CAMKMT: variants seen among roughly 807,000 people sequenced by gnomAD.
The protein encoded by CAMKMT is CaM KMT.
A neutral mutation model predicts 48.0 loss-of-function variants in CAMKMT; 53 were observed. That is an observed-to-expected ratio of 1.10 (90% CI 0.89 to 1.39). The LOEUF (loss-of-function observed/expected upper bound fraction) is 1.39. Ranked by LOEUF, CAMKMT falls within the 40% of genes most tolerant of loss-of-function variation. The pLI, the probability that CAMKMT is intolerant of heterozygous loss-of-function variation, is 0.00. For synonymous variants in CAMKMT, 165 were observed against 152.3 expected, an observed-to-expected ratio of 1.08 and a Z score of -0.61; for missense variants, 428 against 402.7, an observed-to-expected ratio of 1.06 and a Z score of -0.54.
chr2:44,483,044 C>T (rs1669051002), intron 3 of CAMKMT, among the ~76,000 whole-genome samples: 1 of 152,082 alleles, frequency 6.6e-6, no homozygotes, highest in Admixed American at 6.5e-5. Flanking sequence ...TCAACAAGTA[C>T]ATATAGCATG....
rs559053956 is a variant in CAMKMT at position 44,551,783 on chromosome 2, A to G, written c.377-152500A>G. On this transcript the variant is annotated intron_variant, in intron 3 of 10. Transcript: ENST00000378494. Reference sequence around the variant, plus strand: ...AGCACTGTACTAAGTGCTTTTGTACATGTCACTTCACTTCATCTTCATAAT... The same window carrying G: ...AGCACTGTACTAAGTGCTTTTGTACGTGTCACTTCACTTCATCTTCATAAT... Among the ~76,000 whole-genome samples, 7 of 152,202 alleles carry G rather than the reference A, an allele frequency of 4.6e-5. No homozygotes were observed. In the South Asian group the frequency reaches 1.5e-3, roughly 32 times the overall value.
chr2:44,437,079 G>A (rs1427517021), intron 3 of CAMKMT, among the ~76,000 whole-genome samples: 1 of 152,024 alleles, frequency 6.6e-6, no homozygotes, highest in Non-Finnish European at 1.5e-5. Flanking sequence ...TGATATTTGA[G>A]TGCTTACTAT....
intron 3 of CAMKMT, among the ~76,000 whole-genome samples, chr2:44,453,781 C>T (rs1303587365): frequency 6.6e-6 from 1 of 151,952 alleles, no homozygotes; most frequent in Admixed American, 6.6e-5. Flanking sequence ...TTTCTAGAAC[C>T]TAGGTTTAAA....
chr2:44,699,068 C>A (rs1368324410), intron 3 of CAMKMT, among the ~76,000 whole-genome samples: 1 of 152,182 alleles, frequency 6.6e-6, no homozygotes, highest in Admixed American at 6.5e-5. Context: ...CATTCTAGTT[C>A]TCTTGCTATT....
chr2:44,436,301 C>A (rs1181030830), intron 3 of CAMKMT, among the ~76,000 whole-genome samples: 5 of 152,116 alleles, frequency 3.3e-5, no homozygotes, highest in Non-Finnish European at 7.4e-5. Context: ...TGGTCTCGAA[C>A]TCCTGACCTC....
chr2:44,547,279 C>A (rs933298112), intron 3 of CAMKMT, among the ~76,000 whole-genome samples: 10 of 152,112 alleles, frequency 6.6e-5, no homozygotes, highest in Admixed American at 1.3e-4. Context: ...AAAAACTGTT[C>A]TATGCTGATA....
chr2:44,504,714 C>T (rs1001971723), intron 3 of CAMKMT, among the ~76,000 whole-genome samples: 3 of 152,134 alleles, frequency 2.0e-5, no homozygotes, highest in African/African-American at 7.2e-5. Flanking sequence ...TCCTTAATGG[C>T]TGATGTTGTC....
intron 2 of CAMKMT, among the ~76,000 whole-genome samples, chr2:44,389,323 C>T (rs779356067): frequency 3.9e-5 from 6 of 152,106 alleles, no homozygotes; most frequent in Non-Finnish European, 7.4e-5. Context: ...ATATAGTCAC[C>T]TTTCGAGGTA....
chr2:44,396,974 G>A (rs1424069414), intron 3 of CAMKMT, among the ~76,000 whole-genome samples: 1 of 150,496 alleles, frequency 6.6e-6, no homozygotes, highest in East Asian at 2.0e-4. Context: ...CAGTAGAATC[G>A]CTTGAACCCA....
intron 3 of CAMKMT, among the ~76,000 whole-genome samples, chr2:44,392,430 A>T (rs1572735011): frequency 6.6e-6 from 1 of 152,092 alleles, no homozygotes; most frequent in African/African-American, 2.4e-5. Flanking sequence ...TGACTTTTAT[A>T]TAATCTTGGA....
At chr2:44,758,598 A>G (rs1405474564) in intron 9 of CAMKMT, among the ~76,000 whole-genome samples, 2 of 152,218 alleles carry the variant, frequency 1.3e-5, no homozygotes, top group Non-Finnish European at 2.9e-5. Flanking sequence ...TAGAATAGGC[A>G]TGAAAAAGGA....
intron 3 of CAMKMT, among the ~76,000 whole-genome samples, chr2:44,542,268 G>C (rs1187952381): frequency 2.6e-5 from 4 of 152,020 alleles, no homozygotes; most frequent in Non-Finnish European, 4.4e-5. Flanking sequence ...AAGTCATTTG[G>C]AGTTTATGCA....
rs193273817 is a variant in CAMKMT, at chr2:44,394,608, A to G, written c.376+4303A>G. 7.2e-5 allele frequency among the ~76,000 whole-genome samples: 11 copies of G among 152,032 alleles called. No individual in the cohort carries two copies. In the East Asian group the frequency reaches 1.9e-3, roughly 27 times the overall value. On this transcript the variant is annotated intron_variant, in intron 3 of 10. Coordinates refer to ENST00000378494, the MANE Select transcript of CAMKMT (RefSeq NM_024766.5). ...ATGTCCAGCTAATTTTTGTCTTTTT[A>G]GTAGAGACGGAGTTTCACCATGTTG...
chr2:44,518,341 G>A (rs529089687), intron 3 of CAMKMT, among the ~76,000 whole-genome samples: 3 of 151,942 alleles, frequency 2.0e-5, no homozygotes, highest in Non-Finnish European at 4.4e-5. Context: ...GGCTTTATTG[G>A]TTTCTGTACA....
At chr2:44,694,428 G>A (rs997521717) in intron 3 of CAMKMT, among the ~76,000 whole-genome samples, 4 of 152,120 alleles carry the variant, frequency 2.6e-5, no homozygotes, top group African/African-American at 9.7e-5. Flanking sequence ...AGAAAAATTA[G>A]CTGGGTGTGG....
At chr2:44,460,004 T>C (rs1316978214) in intron 3 of CAMKMT, among the ~76,000 whole-genome samples, 2 of 152,200 alleles carry the variant, frequency 1.3e-5, no homozygotes, top group Admixed American at 1.3e-4. Flanking sequence ...CTCTGGAAGC[T>C]GAGTCAAACT....
At chr2:44,590,763 T>G (rs1304994470) in intron 3 of CAMKMT, among the ~76,000 whole-genome samples, 2 of 152,158 alleles carry the variant, frequency 1.3e-5, no homozygotes, top group African/African-American at 2.4e-5. Context: ...TTTAATGAGA[T>G]CCCATTTGTC....
intron 3 of CAMKMT, among the ~76,000 whole-genome samples, chr2:44,630,413 A>C (rs1481491179): frequency 2.6e-5 from 4 of 151,218 alleles, no homozygotes; most frequent in African/African-American, 9.7e-5. Flanking sequence ...CATTAAACTA[A>C]AGAGCTTCTG....
At chr2:44,727,476 A>G (rs1678851913) in intron 7 of CAMKMT, among the ~76,000 whole-genome samples, 2 of 152,204 alleles carry the variant, frequency 1.3e-5, no homozygotes, top group Admixed American at 6.5e-5. Flanking sequence ...GTATCCTGAA[A>G]CTTTACTAAA....
Sources: gnomAD v4.1 joint callset for allele counts (sites outside exome capture counted in the v4.1 genomes callset) on GRCh38, gnomAD v4.1.1 for gene constraint, MANE v1.5 for transcripts, NCBI Gene and HGNC (gene_info 2026-07-23, HGNC 2026-07-21) for gene names.